Variants in BTAF1 observed in about 807,000 individuals in gnomAD.
BTAF1 encodes the protein TATA-binding protein-associated factor 172.
Under a neutral mutation model 227.1 loss-of-function variants are expected in BTAF1, and 38 were observed. That is an observed-to-expected ratio of 0.17 (90% CI 0.13 to 0.22). The LOEUF (loss-of-function observed/expected upper bound fraction) is 0.22. Ranked by LOEUF, BTAF1 falls within the 10% of genes least tolerant of loss-of-function variation. BTAF1 has a pLI of 1.00. For synonymous variants in BTAF1, 742 were observed against 751.9 expected, an observed-to-expected ratio of 0.99 and a Z score of 0.21; for missense variants, 1,598 against 2,204.0, an observed-to-expected ratio of 0.73 and a Z score of 5.51.
At chr10:91,999,104 C>G (rs1406568925) in intron 25 of BTAF1, among the ~76,000 whole-genome samples, 1 of 150,894 alleles carries the variant, frequency 6.6e-6, no homozygotes, top group Non-Finnish European at 1.5e-5. Flanking sequence ...AATAATGCTG[C>G]TCTGCATTTA....
chr10:91,973,003 G>A (rs1847412197), intron 14 of BTAF1, among the ~76,000 whole-genome samples: 1 of 152,142 alleles, frequency 6.6e-6, no homozygotes, highest in Non-Finnish European at 1.5e-5. Flanking sequence ...CAGGGAATTT[G>A]GATGAAAGAT....
At chr10:92,011,500 G>A (rs974441384) in intron 30 of BTAF1, 85 bp downstream of exon 30, 25 of 589,790 alleles carry the variant, frequency 4.2e-5, no homozygotes, top group Admixed American at 1.4e-4. Context: ...GGTATTTGGC[G>A]GTGAATTAAA....
At chr10:92,016,571 T>A (rs1222875914) in intron 33 of BTAF1, 106 bp downstream of exon 33, 2 of 956,016 alleles carry the variant, frequency 2.1e-6, no homozygotes, top group East Asian at 6.3e-5. Context: ...CTCTGCCTCC[T>A]GGGTTCAAGC....
In BTAF1 at chr10:91,957,373, T is replaced by C. The variant is rs1339190694; in HGVS notation, c.900+80T>C. ...GAACAATGTCAAGAGCAATATACTT[T>C]GTCAGAGTCCCTATTCTTCTCTGTT... On this transcript the variant is annotated intron_variant, in intron 8 of 37. Coordinates refer to ENST00000265990, the MANE Select transcript of BTAF1 (RefSeq NM_003972.3). The C allele has an allele frequency of 6.8e-5, 79 of 1,159,598 alleles. 1 individual carries two copies. The East Asian group carries it at 9.6e-4, about 14-fold the overall frequency. 71.8% of individuals were successfully genotyped at this position (1,159,598 alleles called of 1,614,324 possible). A position where few individuals can be genotyped will look rare whatever the true frequency, so the allele number is the denominator to read the frequency against.
At chr10:91,947,781 T>C (rs1488058929) in intron 4 of BTAF1, among the ~76,000 whole-genome samples, 1 of 145,148 alleles carries the variant, frequency 6.9e-6, no homozygotes, top group Non-Finnish European at 1.5e-5. Context: ...TTGATAGCAA[T>C]TTTGTTGAAT....
chr10:91,978,414 A>T (rs1311566305), intron 14 of BTAF1, among the ~76,000 whole-genome samples: 1 of 152,130 alleles, frequency 6.6e-6, no homozygotes, highest in Non-Finnish European at 1.5e-5. Flanking sequence ...AAATTAAGAG[A>T]CATTATGGAA....
chr10:92,004,025 A>G (rs772464162), intron 25 of BTAF1, among the ~76,000 whole-genome samples: 13 of 151,372 alleles, frequency 8.6e-5, no homozygotes, highest in Admixed American at 1.3e-4. Context: ...TCTGCTGGCC[A>G]TTTGTATTTT....
At chr10:91,928,891 G>A (rs1267189627) in intron 1 of BTAF1, among the ~76,000 whole-genome samples, 1 of 151,970 alleles carries the variant, frequency 6.6e-6, no homozygotes, top group Non-Finnish European at 1.5e-5. Context: ...CTGGAGTGCA[G>A]TGGCACAATC....
Position 91,996,359 on chromosome 10 carries a change from T to C in BTAF1, c.3310-10T>C, listed in dbSNP as rs752039185. Reference sequence around the variant, plus strand: ...AATAATTCTAATTGCCATTAACTTTTTGTTTTTAGTTGGTCCAGCATTTGC... The same window carrying C: ...AATAATTCTAATTGCCATTAACTTTCTGTTTTTAGTTGGTCCAGCATTTGC... On this transcript the variant is annotated splice_polypyrimidine_tract_variant and intron_variant, in intron 23 of 37. Coordinates refer to ENST00000265990, the MANE Select transcript of BTAF1 (RefSeq NM_003972.3). 1.9e-6 allele frequency: 3 copies of C among 1,611,618 alleles called. No individual in the cohort carries two copies. Among genetic ancestry groups the C allele is most frequent in the Admixed American group, 1.7e-5 (1 of 59,984 alleles).
chr10:92,008,445 G>A (rs1038386488), intron 26 of BTAF1, among the ~76,000 whole-genome samples, 170 bp downstream of exon 26: 1 of 151,856 alleles, frequency 6.6e-6, no homozygotes, highest in Non-Finnish European at 1.5e-5. Context: ...CTGGACTCAG[G>A]CCATCTTCCC....
chr10:92,009,646 G>A (rs534357366), intron 28 of BTAF1, among the ~76,000 whole-genome samples: 18 of 152,156 alleles, frequency 1.2e-4, no homozygotes, highest in South Asian at 2.1e-4. Flanking sequence ...GGCCAGCCTG[G>A]GCAACATAGT....
chr10:91,943,038 G>C (rs1489826889), intron 4 of BTAF1, among the ~76,000 whole-genome samples: 3 of 152,088 alleles, frequency 2.0e-5, no homozygotes, highest in Non-Finnish European at 4.4e-5. Context: ...AATAAGACTT[G>C]GATAGGTATT....
chr10:91,977,302 T>G (rs1256967860), intron 14 of BTAF1, among the ~76,000 whole-genome samples: 2 of 152,096 alleles, frequency 1.3e-5, no homozygotes, highest in Non-Finnish European at 2.9e-5. Context: ...TTCCATAGTT[T>G]TGCCTTTTCC....
intron 13 of BTAF1, among the ~76,000 whole-genome samples, chr10:91,964,740 G>C (rs1356655463): frequency 6.6e-6 from 1 of 152,116 alleles, no homozygotes; most frequent in South Asian, 2.1e-4. Flanking sequence ...CAAAAATTTA[G>C]TGTCACCAAT....
At chr10:92,028,481 AG>A (rs1405629872) in intron 37 of BTAF1, among the ~76,000 whole-genome samples, 1 of 152,204 alleles carries the variant, frequency 6.6e-6, no homozygotes, top group Admixed American at 6.5e-5. Context: ...AATTGTTCAG[AG>A]AAAAAACTGA....
At chr10:92,011,201 T>C in intron 29 of BTAF1, 51 bp downstream of exon 29, 1 of 1,520,496 alleles carries the variant, frequency 6.6e-7, no homozygotes, top group Non-Finnish European at 8.9e-7. Flanking sequence ...TTGAAGACTC[T>C]TAATATTTTC....
intron 14 of BTAF1, among the ~76,000 whole-genome samples, chr10:91,973,777 G>C (rs919338984): frequency 4.0e-5 from 6 of 150,326 alleles, no homozygotes; most frequent in African/African-American, 7.3e-5. Flanking sequence ...AGTGGCGGGC[G>C]CCTGTAGTCC....
In BTAF1 at chr10:91,923,802, A is replaced by G; in HGVS notation, c.-275A>G. 2.5e-6 allele frequency: 1 copy of G among 405,270 alleles called. No individual in the cohort carries two copies. Among genetic ancestry groups the G allele is most frequent in the Non-Finnish European group, 4.4e-6 (1 of 227,808 alleles). The allele number at this position is 405,270 out of a possible 1,614,324, so 25.1% of individuals were successfully genotyped here. On this transcript the variant is annotated 5_prime_UTR_variant, in exon 1 of 38. Coordinates refer to ENST00000265990, the MANE Select transcript of BTAF1 (RefSeq NM_003972.3). Reference sequence around the variant, plus strand: ...CGTGCCGACGCCCGCGTCAGCAAAGAGCGGAGCTGAGGGTACCCGGTTTGA... The same window carrying G: ...CGTGCCGACGCCCGCGTCAGCAAAGGGCGGAGCTGAGGGTACCCGGTTTGA...
Position 92,027,127 on chromosome 10 carries a change from C to T in BTAF1, c.5236-3C>T. ...CGGTTGCTTAACTGTTTTTCTTATC[C>T]AGAAACGTGTGGTTAACGTATACCG... On this transcript the variant is annotated splice_polypyrimidine_tract_variant and splice_region_variant and intron_variant, in intron 36 of 37. Transcript: ENST00000265990. The T allele has an allele frequency of 6.2e-7, 1 of 1,606,382 alleles. No individual in the cohort carries two copies. Among genetic ancestry groups the T allele is most frequent in the Non-Finnish European group, 8.5e-7 (1 of 1,177,382 alleles).
Sources: allele counts gnomAD v4.1 joint callset (sites outside exome capture counted in the v4.1 genomes callset), GRCh38; gene constraint gnomAD v4.1.1; transcripts MANE v1.5; gene names NCBI Gene and HGNC (gene_info 2026-07-23, HGNC 2026-07-21).